LARP1: variants seen among roughly 807,000 people sequenced by gnomAD.
LARP1 encodes La ribonucleoprotein 1, translational regulator.
A neutral mutation model predicts 122.7 loss-of-function variants in LARP1; 36 were observed. The ratio of observed to expected loss-of-function variants is 0.29; its 90% CI spans 0.22 to 0.39. The LOEUF is 0.39. LARP1 is among the 10% of genes least tolerant of loss of function. LARP1 has a pLI of 1.00. For synonymous variants in LARP1, 539 were observed against 528.7 expected (o/e 1.02, Z -0.27); for missense variants, 1,040 against 1,403.6 (o/e 0.74, Z 4.14).
intron 1 of LARP1, among the ~76,000 whole-genome samples, chr5:154,762,068 T>G (rs1754496815): frequency 6.6e-6 from 1 of 152,030 alleles, no homozygotes; most frequent in Admixed American, 6.6e-5. Context: ...TAGTGAAACC[T>G]CGTCTCTACT....
chr5:154,710,078 G>C (rs1407826237), upstream of LARP1, among the ~76,000 whole-genome samples: 3 of 152,102 alleles, frequency 2.0e-5, no homozygotes, highest in Non-Finnish European at 4.4e-5. Context: ...TGGAGCTCAG[G>C]GGGTAATGCA....
intron 1 of LARP1, among the ~76,000 whole-genome samples, chr5:154,759,383 G>T (rs377119951): frequency 1.3e-5 from 2 of 152,062 alleles, no homozygotes; most frequent in African/African-American, 4.8e-5. Context: ...TGAAATGTAT[G>T]GGATCTGTCT....
At chr5:154,700,776 A>C (rs917956033) in intron 1 of LARP1, among the ~76,000 whole-genome samples, 1 of 151,748 alleles carries the variant, frequency 6.6e-6, no homozygotes, top group African/African-American at 2.4e-5. Flanking sequence ...GGTACATGCC[A>C]CAATGCCTGG....
chr5:154,725,388 C>CA (rs34840033), intron 1 of LARP1, among the ~76,000 whole-genome samples: 10,008 of 61,262 alleles, frequency 0.16, 595 homozygotes, highest in East Asian at 0.27. Context: ...GACTCTGTCT[C>CA]AAAAAAAAAA....
At chr5:154,685,433 C>A (rs1157781072) in intron 1 of LARP1, among the ~76,000 whole-genome samples, 1 of 152,100 alleles carries the variant, frequency 6.6e-6, no homozygotes, top group Non-Finnish European at 1.5e-5. Context: ...TCCTCATATT[C>A]CAAGCTGGCT....
intron 1 of LARP1, among the ~76,000 whole-genome samples, chr5:154,716,215 G>A (rs576734264): frequency 6.6e-6 from 1 of 152,262 alleles, no homozygotes; most frequent in African/African-American, 2.4e-5. Flanking sequence ...TGCCTCCCGG[G>A]CTCAAGCGAT....
At chr5:154,710,646 G>A (rs529383004), upstream of LARP1, among the ~76,000 whole-genome samples, 4 of 151,404 alleles carry the variant, frequency 2.6e-5, no homozygotes, top group African/African-American at 9.7e-5. Context: ...AGGAGGCTGA[G>A]GCAGGAGAAT....
chr5:154,781,190 T>G (rs940214716), intron 1 of LARP1, among the ~76,000 whole-genome samples: 1 of 152,144 alleles, frequency 6.6e-6, no homozygotes, highest in African/African-American at 2.4e-5. Context: ...TGCGTGTAGT[T>G]GTGTGTGCCT....
chr5:154,786,038 G>A lies in LARP1; in HGVS notation c.437-4287G>A, dbSNP rs112496792. 6.7e-3 allele frequency among the ~76,000 whole-genome samples: 1,013 copies of A among 152,166 alleles called. 9 individuals are homozygous for A. The highest frequency in any genetic ancestry group is 0.023 in the African/African-American group (959 of 41,520). On this transcript the variant is annotated intron_variant, in intron 1 of 18. Transcript: ENST00000518297. ...ATTGCTTCTTGCACATAGCAATTTT[G>A]GTATGCTTCACTTTTTTTTTTGAGA...
intron 18 of LARP1, among the ~76,000 whole-genome samples, chr5:154,813,316 G>A (rs1759436815): frequency 6.6e-6 from 1 of 152,206 alleles, no homozygotes; most frequent in East Asian, 1.9e-4. Flanking sequence ...AAATGGGAAG[G>A]AAACGTCTGT....
intron 15 of LARP1, 94 bp from the exon 16 acceptor site, chr5:154,808,365 G>A: frequency 2.0e-6 from 3 of 1,477,258 alleles, no homozygotes; most frequent in Non-Finnish European, 2.7e-6. Flanking sequence ...AAGTACATGA[G>A]AAAGGACCAA....
rs373684902 is a variant in LARP1 at position 154,737,878 on chromosome 5, C to T, written c.205+24748C>T. On this transcript the variant is annotated intron_variant, in intron 1 of 18. Coordinates refer to the LARP1 transcript ENST00000336314. ...CTTTCCAGCTCTGCTCTAACCACCCCTCCTCAGCCCTCCCCTTCATAGTCC... is the reference window on the plus strand; with the variant it reads ...CTTTCCAGCTCTGCTCTAACCACCCTTCCTCAGCCCTCCCCTTCATAGTCC... Among the ~76,000 whole-genome samples the T allele has an allele frequency of 7.9e-5, 12 of 152,218 alleles. No homozygotes were observed. The South Asian group carries it at 1.7e-3, about 21-fold the overall frequency.
In LARP1 at chr5:154,767,138, GCCA is replaced by G. The variant is rs554010626; in HGVS notation, c.436+10946_436+10948del. Among the ~76,000 whole-genome samples the G allele has an allele frequency of 1.2e-4, 18 of 152,308 alleles. No homozygotes were observed. In the South Asian group the frequency reaches 3.7e-3, roughly 32 times the overall value. ...GGGACAGTCAGTCACAGTTAGCGCA[GCCA>G]TTTACCCACTGAGTGCCCTTGGATA... On this transcript the variant is annotated intron_variant, in intron 1 of 18. Transcript: ENST00000518297.
chr5:154,797,425 GT>G (rs1250550526), intron 8 of LARP1, among the ~76,000 whole-genome samples: 1 of 150,896 alleles, frequency 6.6e-6, no homozygotes, highest in African/African-American at 2.4e-5. Flanking sequence ...TAGAGATGGG[GT>G]TTCACCATGT....
chr5:154,792,053 A>G (rs1194999636), intron 3 of LARP1: 4 of 440,118 alleles, frequency 9.1e-6, no homozygotes, highest in African/African-American at 8.0e-5. Context: ...CTCCATCACT[A>G]CGCTTGGGTT....
At chr5:154,812,575 A>G (rs1259548426) in intron 18 of LARP1, among the ~76,000 whole-genome samples, 1 of 132,552 alleles carries the variant, frequency 7.5e-6, no homozygotes, top group Non-Finnish European at 1.5e-5. Context: ...GCTAGAGTGC[A>G]GTGGCACGAT....
intron 1 of LARP1, among the ~76,000 whole-genome samples, chr5:154,783,416 T>G (rs1009723760): frequency 6.6e-5 from 10 of 152,196 alleles, no homozygotes; most frequent in Non-Finnish European, 1.2e-4. Flanking sequence ...TAGCTTAGGC[T>G]TCCCTGCAAC....
upstream of LARP1, among the ~76,000 whole-genome samples, chr5:154,754,499 C>T (rs1366657029): frequency 1.3e-5 from 2 of 152,242 alleles, no homozygotes; most frequent in South Asian, 2.1e-4. Flanking sequence ...GACGGTTCAA[C>T]TCCGCCCAAA....
At chr5:154,700,605 A>C (rs1754664504) in intron 1 of LARP1, among the ~76,000 whole-genome samples, 1 of 151,980 alleles carries the variant, frequency 6.6e-6, no homozygotes, top group Non-Finnish European at 1.5e-5. Context: ...GTGGTTTGAG[A>C]CAGGGTCTTG....
Sources: gnomAD v4.1 joint callset for allele counts (sites outside exome capture counted in the v4.1 genomes callset) on GRCh38, gnomAD v4.1.1 for gene constraint, MANE v1.5 for transcripts, NCBI Gene and HGNC (gene_info 2026-07-23, HGNC 2026-07-21) for gene names.